Variants in SNRPN observed in about 807,000 individuals in gnomAD.
SNRPN encodes the protein small nuclear ribonucleoprotein-associated protein N.
A neutral mutation model predicts 25.2 loss-of-function variants in SNRPN; 7 were observed. The observed-to-expected ratio is 0.28, with a 90% CI of 0.16 to 0.52. The LOEUF (loss-of-function observed/expected upper bound fraction) is 0.52. Among genes scored for constraint, SNRPN ranks in the 20% least tolerant of loss-of-function variants. SNRPN has a pLI of 0.96. For missense variants in SNRPN, 196 were observed against 322.5 expected, an observed-to-expected ratio of 0.61 and a Z score of 3.00; for synonymous variants, 124 against 110.6, an observed-to-expected ratio of 1.12 and a Z score of -0.76.
At position 24,927,475 on chromosome 15, in the gene SNRPN, A is replaced by ATTTTTTTTTTTTTTTTTT. The variant is rs1566921436; in HGVS notation, c.-391+7351_-391+7352insTTTTTTTTTTTTTTTTTT. ...TTTCCCACTGCTTATAAAGTTTTTA[A>ATTTTTTTTTTTTTTTTTT]ATTTTTTTTTTTTTTTTTTTTTTTT... On this transcript the variant is annotated intron_variant, in intron 3 of 11. Coordinates refer to the SNRPN transcript ENST00000400097. Among the ~76,000 whole-genome samples the ATTTTTTTTTTTTTTTTTT allele has an allele frequency of 4.3e-4, 49 of 113,322 alleles. 9 individuals are homozygous for ATTTTTTTTTTTTTTTTTT. Among genetic ancestry groups the ATTTTTTTTTTTTTTTTTT allele is most frequent in the Middle Eastern group, 5.0e-3 (1 of 202 alleles). The allele number at this position is 113,322 out of a possible 152,430, so 74.3% of individuals were successfully genotyped here. A position where few individuals can be genotyped will look rare whatever the true frequency, so the allele number is the denominator to read the frequency against.
At chr15:24,958,504 T>TTG (rs2074234942) in intron 1 of SNRPN, among the ~76,000 whole-genome samples, 1 of 136,392 alleles carries the variant, frequency 7.3e-6, no homozygotes, top group Non-Finnish European at 1.6e-5. Context: ...TTTTTTTTTT[T>TTG]TTTTTTTTTT....
chr15:24,928,856 C>G (rs1381687616), intron 3 of SNRPN, among the ~76,000 whole-genome samples: 2 of 152,200 alleles, frequency 1.3e-5, no homozygotes, highest in East Asian at 3.9e-4. Context: ...AATCTTCCTG[C>G]CGTGGTCTCC....
At chr15:24,976,677 G>A (rs1183090099) in intron 6 of SNRPN, among the ~76,000 whole-genome samples, 200 bp from the exon 7 acceptor site, 3 of 152,126 alleles carry the variant, frequency 2.0e-5, no homozygotes, top group Non-Finnish European at 4.4e-5. Context: ...TAAAAGAGGT[G>A]TTTTCACAAT....
chr15:24,880,752 CT>C (rs1042298361), intron 1 of SNRPN, among the ~76,000 whole-genome samples: 4 of 151,140 alleles, frequency 2.6e-5, no homozygotes, highest in Middle Eastern at 3.4e-3. Context: ...ACACTTACGC[CT>C]TTTTTTTTGA....
rs1396202895 is a variant in SNRPN at position 24,918,409 on chromosome 15, AAT to A, written c.-504-1595_-504-1594del. Among the ~76,000 whole-genome samples the A allele has an allele frequency of 5.9e-4, 34 of 57,252 alleles. 2 individuals are homozygous for A. Among genetic ancestry groups the A allele is most frequent in the African/African-American group, 2.0e-3 (29 of 14,580 alleles). 37.6% of individuals were successfully genotyped at this position (57,252 alleles called of 152,430 possible). A position where few individuals can be genotyped will look rare whatever the true frequency, so the allele number is the denominator to read the frequency against. On this transcript the variant is annotated intron_variant, in intron 2 of 11. Transcript: ENST00000400097. ...ATATATATGTGTATATATATAACAT[AAT>A]ATATATGTGTATATATAACATAATA...
At chr15:24,827,515 CAAAAAAA>C (rs58393593) in intron 1 of SNRPN, among the ~76,000 whole-genome samples, 6 of 96,768 alleles carry the variant, frequency 6.2e-5, no homozygotes, top group African/African-American at 2.0e-4. Context: ...GACTCTGTCT[CAAAAAAA>C]AAAAAAAAAA....
At chr15:24,926,864 A>C (rs1458289821) in intron 3 of SNRPN, among the ~76,000 whole-genome samples, 1 of 151,730 alleles carries the variant, frequency 6.6e-6, no homozygotes, top group Non-Finnish European at 1.5e-5. Context: ...TGTAAAAGTT[A>C]GTTGGGTGTG....
At chr15:24,868,373 C>T (rs1053462243) in intron 1 of SNRPN, among the ~76,000 whole-genome samples, 1 of 152,192 alleles carries the variant, frequency 6.6e-6, no homozygotes, top group African/African-American at 2.4e-5. Context: ...AGGCTGCATT[C>T]AGCTCCTTCC....
chr15:24,936,165 C>T (rs1386252242), intron 3 of SNRPN, among the ~76,000 whole-genome samples: 2 of 152,058 alleles, frequency 1.3e-5, no homozygotes, highest in African/African-American at 4.8e-5. Flanking sequence ...TAATCTCCCA[C>T]TGAAGATGAC....
intron 3 of SNRPN, among the ~76,000 whole-genome samples, chr15:24,933,343 GAA>G (rs199642200): frequency 2.7e-5 from 4 of 147,340 alleles, no homozygotes; most frequent in South Asian, 2.1e-4. Context: ...CTGGTTTAAA[GAA>G]AAAAAAAAAC....
At chr15:24,933,509 G>A (rs1172641824) in intron 3 of SNRPN, among the ~76,000 whole-genome samples, 1 of 151,896 alleles carries the variant, frequency 6.6e-6, no homozygotes, top group Non-Finnish European at 1.5e-5. Flanking sequence ...TGGGCACGGT[G>A]GCTCATGCCT....
At chr15:24,909,810 C>A in intron 2 of SNRPN, 1 of 1,257,828 alleles carries the variant, frequency 8.0e-7, no homozygotes, top group Non-Finnish European at 1.1e-6. Flanking sequence ...TTCTTAACAA[C>A]TTTAACAAAC....
At chr15:24,957,276 C>T (rs990054571) in intron 1 of SNRPN, among the ~76,000 whole-genome samples, 3 of 152,186 alleles carry the variant, frequency 2.0e-5, no homozygotes, top group African/African-American at 7.2e-5. Flanking sequence ...GTTTCAAACA[C>T]TGGACCTCTT....
At chr15:24,916,915 C>T (rs1310240847) in intron 2 of SNRPN, among the ~76,000 whole-genome samples, 3 of 152,152 alleles carry the variant, frequency 2.0e-5, no homozygotes, top group Admixed American at 6.5e-5. Context: ...AACAAAATTT[C>T]CACAGCATAG....
chr15:24,924,212 G>A (rs772577386), intron 3 of SNRPN, among the ~76,000 whole-genome samples: 49 of 151,920 alleles, frequency 3.2e-4, no homozygotes, highest in Admixed American at 6.6e-4. Flanking sequence ...AAAGAAAAGC[G>A]AATATCCCAG....
At chr15:24,960,591 G>C (rs1395858389) in intron 1 of SNRPN, among the ~76,000 whole-genome samples, 1 of 152,120 alleles carries the variant, frequency 6.6e-6, no homozygotes, top group Non-Finnish European at 1.5e-5. Context: ...ATGAACCATT[G>C]CGCCCTGCCT....
At position 24,869,761 on chromosome 15, in the gene SNRPN, C is replaced by A. The variant is rs1301471857; in HGVS notation, c.-579+13045C>A. On this transcript the variant is annotated intron_variant, in intron 1 of 11. Transcript: ENST00000400097. ...AAATTTCTTTACTGTAAAATTATTT[C>A]TTTCTCCACTTTCCCTGTTTCACTT... Among the ~76,000 whole-genome samples the A allele has an allele frequency of 3.3e-5, 5 of 152,118 alleles. No homozygotes were observed. In the South Asian group the frequency reaches 8.3e-4, roughly 25 times the overall value.
intron 2 of SNRPN, among the ~76,000 whole-genome samples, chr15:24,833,124 A>T (rs1246771210): frequency 6.6e-6 from 1 of 150,806 alleles, no homozygotes; most frequent in Admixed American, 6.6e-5. Context: ...AAAAAAAAAA[A>T]AAAAAAAGAT....
At chr15:24,936,759 T>TC (rs1158930561) in intron 3 of SNRPN, among the ~76,000 whole-genome samples, 6 of 151,880 alleles carry the variant, frequency 4.0e-5, no homozygotes, top group African/African-American at 1.5e-4. Context: ...AAAGGGGAAA[T>TC]CCACCCCTGT....
Sources: gnomAD v4.1 joint callset for allele counts (sites outside exome capture counted in the v4.1 genomes callset) on GRCh38, gnomAD v4.1.1 for gene constraint, MANE v1.5 for transcripts, NCBI Gene and HGNC (gene_info 2026-07-23, HGNC 2026-07-21) for gene names.